Variants in ZNF516 observed in about 807,000 individuals in gnomAD.
ZNF516 encodes the protein zinc finger protein 516.
In ZNF516, 19 loss-of-function variants were observed where a neutral mutation model predicts 79.7. The observed-to-expected ratio is 0.24, with a 90% CI of 0.17 to 0.35. The LOEUF is 0.35. Among genes scored for constraint, ZNF516 ranks in the 10% least tolerant of loss-of-function variants. ZNF516 has a pLI of 1.00. For missense variants in ZNF516, 1,678 were observed against 1,679.5 expected, an observed-to-expected ratio of 1.00 and a Z score of 0.02; for synonymous variants, 877 against 739.5, an observed-to-expected ratio of 1.19 and a Z score of -3.02.
At chr18:76,461,295 T>G (rs1383967166) in intron 2 of ZNF516, among the ~76,000 whole-genome samples, 2 of 152,214 alleles carry the variant, frequency 1.3e-5, no homozygotes, top group African/African-American at 4.8e-5. Context: ...CATGTAATGG[T>G]GAGGCCAGTG....
chr18:76,452,658 C>G (rs943987496), intron 2 of ZNF516, among the ~76,000 whole-genome samples: 1 of 152,212 alleles, frequency 6.6e-6, no homozygotes. Flanking sequence ...ACTCCATCTT[C>G]CACCTAAGTT....
intron 3 of ZNF516, among the ~76,000 whole-genome samples, chr18:76,397,436 T>G (rs766930463): frequency 6.6e-6 from 1 of 152,212 alleles, no homozygotes; most frequent in African/African-American, 2.4e-5. Context: ...CTGAATGGTA[T>G]TATAAAATTT....
intron 1 of ZNF516, among the ~76,000 whole-genome samples, chr18:76,477,976 C>G (rs1013011500): frequency 1.3e-5 from 2 of 152,122 alleles, no homozygotes; most frequent in Non-Finnish European, 2.9e-5. Flanking sequence ...TTAAAAACAG[C>G]TGATGAAATA....
chr18:76,468,709 C>T (rs527506872), intron 1 of ZNF516, among the ~76,000 whole-genome samples: 15 of 152,258 alleles, frequency 9.9e-5, no homozygotes, highest in Non-Finnish European at 1.3e-4. Context: ...TATGAGCCAA[C>T]GCGCCCGGCC....
rs915675762 is a variant in ZNF516 at position 76,493,823 on chromosome 18, A to C, written c.-272+1321T>G. The C allele has an allele frequency of 1.3e-5, 2 of 152,264 alleles. No individual in the cohort carries two copies. The highest frequency in any genetic ancestry group is 4.8e-5 in the African/African-American group (2 of 41,474). 9.4% of individuals were successfully genotyped at this position (152,264 alleles called of 1,614,324 possible). On this transcript the variant is annotated intron_variant, in intron 1 of 6. Transcript: ENST00000443185. This position sits in a 1 kb window ranked among gnomAD's most constrained non-coding sequence, Gnocchi z 5.2. ...CATTTCAAATTCCACAGGTTACACC[A>C]GTCGCCTTTTCAAAAAATGTAAACC...
At chr18:76,473,904 G>GTTT (rs1555718878) in intron 1 of ZNF516, among the ~76,000 whole-genome samples, 2 of 63,032 alleles carry the variant, frequency 3.2e-5, no homozygotes, top group Admixed American at 3.1e-4. Flanking sequence ...GTTTTTGTGT[G>GTTT]GGGGGGGGGG....
rs140559123 is a variant in ZNF516 at position 76,375,554 on chromosome 18, A to C, written c.3259+3301T>G. Among the ~76,000 whole-genome samples the C allele has an allele frequency of 6.9e-3, 1,049 of 151,108 alleles. 2 individuals are homozygous for C. Among genetic ancestry groups the C allele is most frequent in the African/African-American group, 0.024 (1,004 of 41,124 alleles). On this transcript the variant is annotated intron_variant, in intron 4 of 6. Transcript: ENST00000443185. Reference sequence around the variant, plus strand: ...CCTGGAGATCAGGTAGAGGATGGACACACAAGGTCCCGGAGACCAGGGAGA... The same window carrying C: ...CCTGGAGATCAGGTAGAGGATGGACCCACAAGGTCCCGGAGACCAGGGAGA...
At chr18:76,424,730 C>T (rs1428315805) in intron 3 of ZNF516, among the ~76,000 whole-genome samples, 6 of 131,368 alleles carry the variant, frequency 4.6e-5, no homozygotes, top group African/African-American at 1.8e-4. Flanking sequence ...CCTCCTGAAA[C>T]ACACATGCAG....
At chr18:76,406,880 A>G (rs1029035159) in intron 3 of ZNF516, among the ~76,000 whole-genome samples, 2 of 152,152 alleles carry the variant, frequency 1.3e-5, no homozygotes, top group Non-Finnish European at 2.9e-5. Context: ...TGAGAGTGGG[A>G]GACAGCAGCC....
intron 1 of ZNF516, among the ~76,000 whole-genome samples, chr18:76,489,586 C>CAAAAAAAAAA (rs5826461): frequency 1.8e-5 from 2 of 109,396 alleles, no homozygotes; most frequent in Non-Finnish European, 3.9e-5. Context: ...CAACATCTTA[C>CAAAAAAAAAA]AAAAAAAAAA....
chr18:76,409,003 G>A (rs1463113141), intron 3 of ZNF516, among the ~76,000 whole-genome samples: 1 of 151,970 alleles, frequency 6.6e-6, no homozygotes, highest in Non-Finnish European at 1.5e-5. Flanking sequence ...CTAACCTTCA[G>A]AAAACAAAGA....
At chr18:76,491,355 C>T (rs1488194909) in intron 1 of ZNF516, among the ~76,000 whole-genome samples, 1 of 133,814 alleles carries the variant, frequency 7.5e-6, no homozygotes, top group South Asian at 2.4e-4. Context: ...CTTCCCCCCG[C>T]AGCCCCCTCT....
At chr18:76,385,024 C>T (rs1222472910) in intron 3 of ZNF516, among the ~76,000 whole-genome samples, 1 of 152,246 alleles carries the variant, frequency 6.6e-6, no homozygotes, top group African/African-American at 2.4e-5. Context: ...ACACTCACCC[C>T]ATGCTCTCCG....
intron 3 of ZNF516, among the ~76,000 whole-genome samples, chr18:76,390,797 G>A (rs1330340515): frequency 6.6e-6 from 1 of 152,138 alleles, no homozygotes; most frequent in Non-Finnish European, 1.5e-5. Flanking sequence ...ACACTTTCCG[G>A]GTTCACTGGG....
At position 76,360,083 on chromosome 18, in the gene ZNF516, G is replaced by T. The variant is rs1270628114; in HGVS notation, c.*2415C>A. ...CCCTGCGCGGCCCCGCAAGCTGACT[G>T]TCCTCCACGCCTGCTCTCCTGCAAG... On this transcript the variant is annotated 3_prime_UTR_variant, in exon 7 of 7. Coordinates refer to ENST00000443185, the MANE Select transcript of ZNF516 (RefSeq NM_014643.4). The T allele has an allele frequency of 6.6e-6, 1 of 152,294 alleles. No individual in the cohort carries two copies. Among genetic ancestry groups the T allele is most frequent in the Non-Finnish European group, 1.5e-5 (1 of 68,180 alleles). 9.4% of individuals were successfully genotyped at this position (152,294 alleles called of 1,614,324 possible).
chr18:76,416,962 G>C (rs1442973681), intron 3 of ZNF516, among the ~76,000 whole-genome samples: 3 of 152,142 alleles, frequency 2.0e-5, no homozygotes. Flanking sequence ...ATATTTAGCT[G>C]TTCTCATGCC....
rs146233993 is a variant in ZNF516 at position 76,385,007 on chromosome 18, A to G, written c.1811-4704T>C. Among the ~76,000 whole-genome samples, 433 of 152,322 alleles carry G rather than the reference A, an allele frequency of 2.8e-3. 5 individuals are homozygous for G. The highest frequency in any genetic ancestry group is 9.9e-3 in the African/African-American group (412 of 41,580). On this transcript the variant is annotated intron_variant, in intron 3 of 6. Coordinates refer to ENST00000443185, the MANE Select transcript of ZNF516 (RefSeq NM_014643.4). Reference sequence around the variant, plus strand: ...AGCGGCCCTGTGCAGAGGGAGCAGGATCTCCAACACTCACCCCATGCTCTC... The same window carrying G: ...AGCGGCCCTGTGCAGAGGGAGCAGGGTCTCCAACACTCACCCCATGCTCTC...
At chr18:76,495,440 G>A (rs1366571161), upstream of ZNF516, 1 of 150,528 alleles carries the variant, frequency 6.6e-6, no homozygotes, top group East Asian at 2.0e-4. Flanking sequence ...GGCGCAGGCC[G>A]GAGGCTTCCC....
rs565548961 is a variant in ZNF516 at position 76,436,154 on chromosome 18, T to G, written c.1810+5091A>C. ...AACCTGTCTGGATACTAAGGGGGGCTGGCCTTCTGCTTTTTACCTTTACCC... is the reference window on the plus strand; with the variant it reads ...AACCTGTCTGGATACTAAGGGGGGCGGGCCTTCTGCTTTTTACCTTTACCC... On this transcript the variant is annotated intron_variant, in intron 3 of 6. Transcript: ENST00000443185. 1.9e-3 allele frequency among the ~76,000 whole-genome samples: 295 copies of G among 152,370 alleles called. 1 individual carries two copies. The highest frequency in any genetic ancestry group is 6.4e-3 in the African/African-American group (267 of 41,598).
Sources: gnomAD v4.1 joint callset for allele counts (sites outside exome capture counted in the v4.1 genomes callset) on GRCh38, gnomAD v4.1.1 for gene constraint, Gnocchi (gnomAD v3.1) non-coding constraint, MANE v1.5 for transcripts, NCBI Gene and HGNC (gene_info 2026-07-23, HGNC 2026-07-21) for gene names.